Variants in GALNT3 observed in about 807,000 individuals in gnomAD.
GALNT3 encodes polypeptide N-acetylgalactosaminyltransferase 3.
In GALNT3, 51 loss-of-function variants were observed where a neutral mutation model predicts 69.8. The ratio of observed to expected loss-of-function variants is 0.73; its 90% CI spans 0.58 to 0.92. GALNT3 has a LOEUF of 0.92. Among genes scored for constraint, GALNT3 ranks in the 40% least tolerant of loss-of-function variants. The pLI is 0.00. For synonymous variants in GALNT3, 265 were observed against 248.5 expected, an observed-to-expected ratio of 1.07 and a Z score of -0.63; for missense variants, 711 against 760.0, an observed-to-expected ratio of 0.94 and a Z score of 0.76.
chr2:165,768,350 C>T (rs1309403803), intron 2 of GALNT3, among the ~76,000 whole-genome samples: 2 of 152,110 alleles, frequency 1.3e-5, no homozygotes, highest in Admixed American at 6.5e-5. Flanking sequence ...CACTGATTGT[C>T]ATGTCAAAAG....
chr2:165,754,791 A>C, intron 8 of GALNT3, 63 bp from the exon 9 acceptor site: 1 of 1,380,922 alleles, frequency 7.2e-7, no homozygotes, highest in Non-Finnish European at 1.0e-6. Flanking sequence ...TATTTTTAAA[A>C]TAATTTAGAA....
chr2:165,768,703 A>G (rs974053772), intron 2 of GALNT3, among the ~76,000 whole-genome samples: 2 of 152,168 alleles, frequency 1.3e-5, no homozygotes, highest in Non-Finnish European at 2.9e-5. Context: ...GTTATCTTCA[A>G]GTTCACTGCC....
chr2:165,753,487 C>T (rs964325446), intron 9 of GALNT3, among the ~76,000 whole-genome samples: 1 of 151,966 alleles, frequency 6.6e-6, no homozygotes, highest in Non-Finnish European at 1.5e-5. Flanking sequence ...CTTTTCTATA[C>T]CCCCAGAACA....
chr2:165,757,651 G>A (rs1688470148), intron 6 of GALNT3, among the ~76,000 whole-genome samples: 1 of 152,082 alleles, frequency 6.6e-6, no homozygotes, highest in African/African-American at 2.4e-5. Flanking sequence ...TCAAAGTTTG[G>A]ATATAAGTGG....
intron 1 of GALNT3, among the ~76,000 whole-genome samples, chr2:165,776,479 C>A (rs1682949957): frequency 6.6e-6 from 1 of 151,440 alleles, no homozygotes; most frequent in African/African-American, 2.4e-5. Flanking sequence ...TTGCTAATTA[C>A]CAAAGATCAG....
chr2:165,779,359 C>T (rs1218197752), intron 1 of GALNT3, among the ~76,000 whole-genome samples: 1 of 152,190 alleles, frequency 6.6e-6, no homozygotes, highest in African/African-American at 2.4e-5. Flanking sequence ...AACTGATAAG[C>T]AGCAAAGTCT....
chr2:165,754,993 T>A lies in GALNT3; in HGVS notation c.1463A>T (p.Tyr488Phe). ...CACCTCTGGATAAATGTTGTTCAGA[T>A]ACCATGTAAAATTTTTACACTGAAG... ...HRLQCKNFTW[Y>F]LNNIYPEVYV... The change falls in exon 8 of 11, where the codon TAT (tyrosine) becomes TTT (phenylalanine). Residue 488 changes from tyrosine to phenylalanine, a missense_variant. Coordinates refer to ENST00000392701, the MANE Select transcript of GALNT3 (RefSeq NM_004482.4). 1 of 1,612,272 alleles carries A rather than the reference T, an allele frequency of 6.2e-7. No homozygotes were observed. The highest frequency in any genetic ancestry group is 1.1e-5 in the South Asian group (1 of 91,048).
chr2:165,781,097 T>A (rs148718707), intron 1 of GALNT3, among the ~76,000 whole-genome samples: 18 of 152,298 alleles, frequency 1.2e-4, no homozygotes, highest in African/African-American at 4.3e-4. Flanking sequence ...AGAGGCTCCA[T>A]AGAGCATTCC....
At chr2:165,766,633 A>G (rs1039464295) in intron 2 of GALNT3, among the ~76,000 whole-genome samples, 1 of 61,166 alleles carries the variant, frequency 1.6e-5, no homozygotes, top group African/African-American at 3.8e-5. Context: ...AAGCAACTAT[A>G]TCTTTAAGGT....
At chr2:165,748,946 T>C (rs1194486597) in intron 10 of GALNT3, 43 bp from the exon 11 acceptor site, 15 of 1,572,924 alleles carry the variant, frequency 9.5e-6, no homozygotes, top group African/African-American at 4.1e-5. Context: ...CCAAGACTCA[T>C]AGTTAAGTGA....
At chr2:165,753,724 C>T (rs1688393546) in intron 9 of GALNT3, among the ~76,000 whole-genome samples, 1 of 152,012 alleles carries the variant, frequency 6.6e-6, no homozygotes, top group African/African-American at 2.4e-5. Context: ...TGTTCTCTAC[C>T]CATAGGCAAG....
chr2:165,785,691 A>G (rs1683204891), intron 1 of GALNT3, among the ~76,000 whole-genome samples: 1 of 152,218 alleles, frequency 6.6e-6, no homozygotes, highest in African/African-American at 2.4e-5. Flanking sequence ...AATAAAAAAC[A>G]AAAGTCATAG....
chr2:165,776,025 A>T (rs1688840900), intron 1 of GALNT3, among the ~76,000 whole-genome samples: 1 of 152,228 alleles, frequency 6.6e-6, no homozygotes, highest in Non-Finnish European at 1.5e-5. Context: ...TTACGCTGAT[A>T]TAAATGAGGC....
chr2:165,765,811 T>G (rs1292999516), intron 2 of GALNT3, among the ~76,000 whole-genome samples: 2 of 152,214 alleles, frequency 1.3e-5, no homozygotes, highest in Non-Finnish European at 2.9e-5. Flanking sequence ...TTATAAAGAT[T>G]ATCTTTAATT....
chr2:165,781,913 G>A (rs549583821), intron 1 of GALNT3, among the ~76,000 whole-genome samples: 2 of 152,168 alleles, frequency 1.3e-5, no homozygotes, highest in South Asian at 4.1e-4. Flanking sequence ...CTTGTAAATT[G>A]GCAGAAAAAG....
chr2:165,757,580 A>T (rs1688468703), intron 6 of GALNT3, among the ~76,000 whole-genome samples: 1 of 152,190 alleles, frequency 6.6e-6, no homozygotes. Context: ...AAAGGCTCTT[A>T]TGCATTTGAC....
At chr2:165,779,811 T>G (rs1683064666) in intron 1 of GALNT3, among the ~76,000 whole-genome samples, 1 of 152,222 alleles carries the variant, frequency 6.6e-6, no homozygotes, top group South Asian at 2.1e-4. Flanking sequence ...CATAATTGGC[T>G]GCGAGGCCAT....
At chr2:165,759,965 T>C (rs1688515285) in intron 4 of GALNT3, among the ~76,000 whole-genome samples, 1 of 152,144 alleles carries the variant, frequency 6.6e-6, no homozygotes, top group South Asian at 2.1e-4. Flanking sequence ...GGAGATTTTT[T>C]AAAGGTTTAT....
intron 9 of GALNT3, among the ~76,000 whole-genome samples, chr2:165,752,929 T>C (rs947573865): frequency 1.3e-5 from 2 of 152,162 alleles, no homozygotes. Context: ...TGTACAGATA[T>C]ATATGTATAT....
Sources: gnomAD v4.1 joint callset for allele counts (sites outside exome capture counted in the v4.1 genomes callset) on GRCh38, gnomAD v4.1.1 for gene constraint, MANE v1.5 for transcripts, NCBI Gene and HGNC (gene_info 2026-07-23, HGNC 2026-07-21) for gene names.